The following COL11A1 variants were observed in gnomAD, a reference collection of about 807,000 sequenced individuals.
The protein encoded by COL11A1 is collagen type XI alpha 1 chain.
Under a neutral mutation model 265.2 loss-of-function variants are expected in COL11A1, and 74 were observed. That is an observed-to-expected ratio of 0.28 (90% confidence interval 0.23 to 0.34). The LOEUF (loss-of-function observed/expected upper bound fraction) is 0.34. COL11A1 is among the 10% of genes least tolerant of loss of function. The probability of loss-of-function intolerance (pLI) is 1.00; values close to 1 mark genes in which losing one functional copy is unlikely to be tolerated. For missense variants in COL11A1, 2,165 were observed against 2,263.6 expected, an observed-to-expected ratio of 0.96 and a Z score of 0.88; for synonymous variants, 816 against 727.6, an observed-to-expected ratio of 1.12 and a Z score of -1.96.
rs1282662734 is a variant in COL11A1 at position 102,954,100 on chromosome 1, T to G, written c.3169-7144A>C. Among the ~76,000 whole-genome samples the G allele has an allele frequency of 1.3e-5, 2 of 152,324 alleles. 1 individual carries two copies. Among genetic ancestry groups the G allele is most frequent in the South Asian group, 4.1e-4 (2 of 4,820 alleles). The stretch of plus-strand genomic sequence containing the variant: ...ATGCCATTTTTCTCTTGTTTTGAAC[T>G]GAAAAGTGAACATTTACATGCTTTT... On this transcript the variant is annotated intron_variant, in intron 41 of 66. Transcript: ENST00000370096.
chr1:103,003,120 A>G lies in COL11A1; in HGVS notation c.1998+95T>C. ...AGATCTTCAAACATAACAAGGCAAT[A>G]AACTCTTGGCTCTCTACTGAGGGCT... On this transcript the variant is annotated intron_variant, in intron 21 of 66. Transcript: ENST00000370096. 23 of 1,253,500 alleles carry G rather than the reference A, an allele frequency of 1.8e-5. 2 individuals carry two copies. The South Asian group carries it at 2.5e-4, about 14-fold the overall frequency. The allele number at this position is 1,253,500 out of a possible 1,614,324, so 77.6% of individuals were successfully genotyped here. A position where few individuals can be genotyped will look rare whatever the true frequency, so the allele number is the denominator to read the frequency against.
Position 102,927,030 on chromosome 1 carries a change from A to T in COL11A1, c.3601-3641T>A, listed in dbSNP as rs548982320. On this transcript the variant is annotated intron_variant, in intron 46 of 66. Coordinates refer to ENST00000370096, the MANE Select transcript of COL11A1 (RefSeq NM_001854.4). The stretch of plus-strand genomic sequence containing the variant: ...TCTTGTTATCTGATAAACATTTATT[A>T]AGTGTTTTAACAGTAATAATTCATT... 2.1e-4 allele frequency among the ~76,000 whole-genome samples: 32 copies of T among 152,300 alleles called. No individual in the cohort carries two copies. The South Asian group carries it at 6.2e-3, about 30-fold the overall frequency.
intron 4 of COL11A1, among the ~76,000 whole-genome samples, chr1:103,040,143 T>C (rs1275278897): frequency 1.3e-5 from 2 of 152,032 alleles, no homozygotes; most frequent in Non-Finnish European, 2.9e-5. Flanking sequence ...TAATTTTGTT[T>C]GTATCATTAA....
At chr1:103,026,085 A>G in intron 6 of COL11A1, 131 bp downstream of exon 6, 1 of 1,210,492 alleles carries the variant, frequency 8.3e-7, no homozygotes, top group South Asian at 1.2e-5. Flanking sequence ...TCAAATAAAA[A>G]TCACAGTTAT....
At chr1:103,034,349 C>T (rs939929579) in intron 4 of COL11A1, among the ~76,000 whole-genome samples, 1 of 151,824 alleles carries the variant, frequency 6.6e-6, no homozygotes, top group South Asian at 2.1e-4. Flanking sequence ...GGTGGTGTCC[C>T]GCACTGAGGC....
At chr1:103,002,690 TG>T in intron 22 of COL11A1, 56 bp downstream of exon 22, 1 of 1,442,102 alleles carries the variant, frequency 6.9e-7, no homozygotes, top group Non-Finnish European at 9.8e-7. Flanking sequence ...CAACAAAAAA[TG>T]GTTTCTTAGG....
rs1649703251 is a variant in COL11A1, at chr1:102,878,003, G to A, written c.*16C>T. 1.2e-6 allele frequency: 2 copies of A among 1,612,682 alleles called. No individual in the cohort carries two copies. Among genetic ancestry groups the A allele is most frequent in the African/African-American group, 1.3e-5 (1 of 74,842 alleles). On this transcript the variant is annotated 3_prime_UTR_variant, in exon 67 of 67. Coordinates refer to ENST00000370096, the MANE Select transcript of COL11A1 (RefSeq NM_001854.4). ...GGTATATTTTCTGTTGATTTGATAT[G>A]TTCTTTGTCTTAATCTTAGCCAAGA...
At chr1:102,991,876 C>A (rs554548722) in intron 28 of COL11A1, among the ~76,000 whole-genome samples, 1 of 150,388 alleles carries the variant, frequency 6.6e-6, no homozygotes, top group African/African-American at 2.4e-5. Context: ...CCATTTTCAC[C>A]ATCCTGCCCA....
chr1:103,086,062 T>C (rs1672832005), intron 1 of COL11A1, among the ~76,000 whole-genome samples: 1 of 151,492 alleles, frequency 6.6e-6, no homozygotes, highest in Non-Finnish European at 1.5e-5. Context: ...AAAATAAACT[T>C]AAAACATACA....
intron 30 of COL11A1, among the ~76,000 whole-genome samples, chr1:102,985,220 C>T (rs1258423892): frequency 6.6e-6 from 1 of 151,782 alleles, no homozygotes; most frequent in African/African-American, 2.4e-5. Flanking sequence ...AAATGGAAAA[C>T]AAACACAAGT....
intron 29 of COL11A1, among the ~76,000 whole-genome samples, chr1:102,988,490 C>A (rs1040509713): frequency 1.3e-5 from 2 of 152,096 alleles, no homozygotes; most frequent in Non-Finnish European, 2.9e-5. Context: ...CAAGATAAAC[C>A]CATCAGGCAG....
chr1:103,041,990 G>A (rs7541571), intron 4 of COL11A1, among the ~76,000 whole-genome samples: 142,366 of 152,044 alleles, frequency 0.94, 66,884 homozygotes, highest in East Asian at 1. Flanking sequence ...TTTCTTTTGT[G>A]TGTATTATAA....
rs749510866 is a variant in COL11A1 at position 102,998,368 on chromosome 1, T to C, written c.2143-5A>G. 1.7e-5 allele frequency: 26 copies of C among 1,564,700 alleles called. No homozygotes were observed. The highest frequency in any genetic ancestry group is 4.2e-5 in the African/African-American group (3 of 72,158). ...TCCTGGTTTTCCTTGTGGTCCCTTA[T>C]AGAGAAAAAAAAAATATTAAAAAGA... On this transcript the variant is annotated splice_region_variant and splice_polypyrimidine_tract_variant and intron_variant, in intron 24 of 66. Coordinates refer to ENST00000370096, the MANE Select transcript of COL11A1 (RefSeq NM_001854.4).
At chr1:102,926,822 A>G (rs1656650141) in intron 46 of COL11A1, among the ~76,000 whole-genome samples, 1 of 152,174 alleles carries the variant, frequency 6.6e-6, no homozygotes, top group South Asian at 2.1e-4. Flanking sequence ...TGACAATCTA[A>G]TTTTAATGCC....
intron 30 of COL11A1, among the ~76,000 whole-genome samples, chr1:102,987,426 CTAAA>C (rs1663686514): frequency 1.3e-5 from 2 of 150,418 alleles, no homozygotes; most frequent in African/African-American, 2.4e-5. Flanking sequence ...TAAGGTGTCA[CTAAA>C]TACTTTCTGG....
At chr1:102,882,512 T>C (rs180768400) in intron 64 of COL11A1, among the ~76,000 whole-genome samples, 1 of 152,282 alleles carries the variant, frequency 6.6e-6, no homozygotes, top group East Asian at 1.9e-4. Context: ...CCCAAAACCA[T>C]TAGTCACACA....
intron 42 of COL11A1, among the ~76,000 whole-genome samples, chr1:102,942,289 GC>G (rs1469623882): frequency 6.6e-6 from 1 of 152,046 alleles, no homozygotes; most frequent in East Asian, 1.9e-4. Flanking sequence ...TGTAAATAAG[GC>G]AGATATATTC....
chr1:102,973,311 C>G (rs1016383310), intron 36 of COL11A1, among the ~76,000 whole-genome samples: 6 of 152,104 alleles, frequency 3.9e-5, no homozygotes, highest in African/African-American at 1.4e-4. Context: ...ATACCTCTTA[C>G]AGACAAAATG....
At chr1:102,912,549 A>G (rs1654812504) in intron 53 of COL11A1, among the ~76,000 whole-genome samples, 1 of 152,360 alleles carries the variant, frequency 6.6e-6, no homozygotes, top group Non-Finnish European at 1.5e-5. Flanking sequence ...AATTCTGCTC[A>G]TATCACATAA....
Sources: gnomAD v4.1 joint callset for allele counts (sites outside exome capture counted in the v4.1 genomes callset) on GRCh38, gnomAD v4.1.1 for gene constraint, MANE v1.5 for transcripts, NCBI Gene and HGNC (gene_info 2026-07-23, HGNC 2026-07-21) for gene names.